The following NFIA variants were observed in gnomAD, a reference collection of about 807,000 sequenced individuals.
NFIA encodes the protein nuclear factor I A.
In NFIA, 8 loss-of-function variants were observed where a neutral mutation model predicts 62.8. The ratio of observed to expected loss-of-function variants is 0.13; its 90% CI spans 0.07 to 0.23. The LOEUF (loss-of-function observed/expected upper bound fraction) is 0.23, where lower values mean the gene tolerates loss of function less well. Ranked by LOEUF, NFIA falls within the 10% of genes least tolerant of loss-of-function variation. NFIA has a pLI of 1.00. For missense variants in NFIA, 410 were observed against 642.1 expected, an observed-to-expected ratio of 0.64 and a Z score of 3.91; for synonymous variants, 235 against 238.1, an observed-to-expected ratio of 0.99 and a Z score of 0.12.
At chr1:61,140,567 G>T (rs1647430610) in intron 2 of NFIA, among the ~76,000 whole-genome samples, 1 of 151,958 alleles carries the variant, frequency 6.6e-6, no homozygotes, top group African/African-American at 2.4e-5. Flanking sequence ...TTTCTGTAGG[G>T]AAAAATTCTA....
intron 2 of NFIA, among the ~76,000 whole-genome samples, chr1:61,157,601 C>A (rs761597719): frequency 6.6e-6 from 1 of 152,112 alleles, no homozygotes; most frequent in African/African-American, 2.4e-5. Flanking sequence ...TTAAATTAAA[C>A]CTTTTTTTGG....
intron 3 of NFIA, among the ~76,000 whole-genome samples, chr1:61,283,530 TG>T (rs1194241460): frequency 8.0e-6 from 1 of 124,598 alleles, no homozygotes; most frequent in Non-Finnish European, 1.6e-5. Context: ...TGCAGTGAGC[TG>T]AGATCACACC....
At chr1:61,250,878 T>A (rs939827213) in intron 2 of NFIA, 4 of 152,186 alleles carry the variant, frequency 2.6e-5, no homozygotes, top group Non-Finnish European at 5.9e-5. Flanking sequence ...GGAGTTGAGT[T>A]CATCTGGGCC....
rs995828248 is a variant in NFIA, at chr1:61,267,919, C to T, written c.560-9601C>T. Among the ~76,000 whole-genome samples, 17 of 152,074 alleles carry T rather than the reference C, an allele frequency of 1.1e-4. No homozygotes were observed. In the East Asian group the frequency reaches 1.9e-3, roughly 17 times the overall value. Reference sequence around the variant, plus strand: ...GAAAGGCACCATAGTAGATGCCAAGCGAATGAATGAATGAACGAGATGGAT... The same window carrying T: ...GAAAGGCACCATAGTAGATGCCAAGTGAATGAATGAATGAACGAGATGGAT... On this transcript the variant is annotated intron_variant, in intron 2 of 10. Coordinates refer to ENST00000403491, the MANE Select transcript of NFIA (RefSeq NM_001134673.4).
chr1:61,247,383 C>T (rs539126380), intron 2 of NFIA, among the ~76,000 whole-genome samples: 6 of 152,268 alleles, frequency 3.9e-5, no homozygotes, highest in Admixed American at 6.5e-5. Context: ...GTGTTTGGTC[C>T]GGTTCTTCGT....
chr1:61,203,946 C>G (rs915195370), intron 2 of NFIA, among the ~76,000 whole-genome samples: 21 of 152,164 alleles, frequency 1.4e-4, no homozygotes, highest in Non-Finnish European at 2.9e-4. Flanking sequence ...CCCCATATTT[C>G]AGGGCAGATA....
intron 10 of NFIA, among the ~76,000 whole-genome samples, chr1:61,447,433 G>C (rs995037829): frequency 8.5e-5 from 13 of 152,118 alleles, no homozygotes; most frequent in African/African-American, 2.9e-4. Flanking sequence ...GGACTTTGTG[G>C]AATCAACAAA....
Position 61,088,507 on chromosome 1 carries a change from T to C in NFIA, c.386T>C (p.Leu129Ser). ...CGCCAGGCAGATAAAGTCTGGAGGTTGGACCTTGTTATGGTGATTTTGTTT... is the reference window on the plus strand; with the variant it reads ...CGCCAGGCAGATAAAGTCTGGAGGTCGGACCTTGTTATGGTGATTTTGTTT... The part of the protein sequence containing the change: ...CLRQADKVWR[L>S]DLVMVILFKG... The change falls in exon 2 of 11, where the codon TTG becomes TCG. Residue 129 changes from leucine (L) to serine (S), a missense_variant. By Grantham distance (145) the Leu-to-Ser change is moderately radical (BLOSUM62 -2). Coordinates refer to ENST00000403491, the MANE Select transcript of NFIA (RefSeq NM_001134673.4). The surrounding 1 kb of genome is among the most constrained non-coding windows in gnomAD (Gnocchi z 4.5). 1 of 1,614,116 alleles carries C rather than the reference T, an allele frequency of 6.2e-7. No individual in the cohort carries two copies. Among genetic ancestry groups the C allele is most frequent in the Non-Finnish European group, 8.5e-7 (1 of 1,180,022 alleles).
upstream of NFIA, chr1:61,081,828 A>AGG: frequency 6.7e-7 from 1 of 1,499,118 alleles, no homozygotes; most frequent in Non-Finnish European, 8.9e-7. Flanking sequence ...CTGCCGACGA[A>AGG]TCTATTCCCA....
chr1:61,265,507 T>G (rs1011888971), intron 2 of NFIA, among the ~76,000 whole-genome samples: 2 of 152,228 alleles, frequency 1.3e-5, no homozygotes, highest in African/African-American at 4.8e-5. Context: ...TATTATAATA[T>G]GGGAAGTCTG....
At chr1:61,213,818 C>T (rs1331344835) in intron 2 of NFIA, among the ~76,000 whole-genome samples, 1 of 152,182 alleles carries the variant, frequency 6.6e-6, no homozygotes, top group African/African-American at 2.4e-5. Flanking sequence ...TACTCTGTCA[C>T]ACTGCACACA....
In NFIA at chr1:61,461,157, G is replaced by A. The variant is rs1050146409; in HGVS notation, c.*5837G>A. On this transcript the variant is annotated 3_prime_UTR_variant, in exon 11 of 11. Coordinates refer to ENST00000403491, the MANE Select transcript of NFIA (RefSeq NM_001134673.4). ...ACACTCTGAGAACATTTGCAAGTCA[G>A]GGGCATTTTCCTTGACCCTTGACTG... The A allele has an allele frequency of 2.0e-5, 3 of 152,152 alleles. No homozygotes were observed. The highest frequency in any genetic ancestry group is 7.2e-5 in the African/African-American group (3 of 41,434). The allele number at this position is 152,152 out of a possible 1,614,324, so 9.4% of individuals were successfully genotyped here.
At chr1:61,449,558 G>T (rs1182643839) in intron 10 of NFIA, among the ~76,000 whole-genome samples, 1 of 152,214 alleles carries the variant, frequency 6.6e-6, no homozygotes, top group East Asian at 1.9e-4. Flanking sequence ...GCAAAGCCAA[G>T]GAGTGGGACA....
chr1:61,365,643 T>C (rs1266805748), intron 6 of NFIA, among the ~76,000 whole-genome samples: 1 of 152,200 alleles, frequency 6.6e-6, no homozygotes, highest in Non-Finnish European at 1.5e-5. Context: ...CCTTATTAAG[T>C]GCTGATTGTA....
chr1:61,396,806 G>T (rs1373431575), intron 7 of NFIA, among the ~76,000 whole-genome samples: 1 of 151,832 alleles, frequency 6.6e-6, no homozygotes, highest in Non-Finnish European at 1.5e-5. Context: ...TCAAGACCAC[G>T]CTGGGCAACG....
At chr1:61,261,364 A>T (rs1175469739) in intron 2 of NFIA, among the ~76,000 whole-genome samples, 1 of 152,206 alleles carries the variant, frequency 6.6e-6, no homozygotes, top group African/African-American at 2.4e-5. Context: ...ACTGGTTTTC[A>T]CTTTCAGTAC....
chr1:61,137,208 G>A (rs1304960395), intron 2 of NFIA, among the ~76,000 whole-genome samples: 7 of 152,202 alleles, frequency 4.6e-5, no homozygotes, highest in African/African-American at 1.7e-4. Flanking sequence ...CAAATGGAGA[G>A]AGTAGGTTGA....
chr1:61,242,878 A>C (rs1437657809), intron 2 of NFIA, among the ~76,000 whole-genome samples: 1 of 152,122 alleles, frequency 6.6e-6, no homozygotes, highest in African/African-American at 2.4e-5. Flanking sequence ...AGAGCGATAT[A>C]GTTTATATAG....
intron 2 of NFIA, among the ~76,000 whole-genome samples, chr1:61,116,107 G>GGGCT (rs1646789426): frequency 6.6e-6 from 1 of 150,654 alleles, no homozygotes; most frequent in African/African-American, 2.4e-5. Context: ...TGTCATCTTA[G>GGGCT]GGCTCCTCAG....
Sources: gnomAD v4.1 joint callset for allele counts (sites outside exome capture counted in the v4.1 genomes callset) on GRCh38, gnomAD v4.1.1 for gene constraint, Gnocchi (gnomAD v3.1) non-coding constraint, MANE v1.5 for transcripts, NCBI Gene and HGNC (gene_info 2026-07-23, HGNC 2026-07-21) for gene names.